ADGRB3: variants seen among roughly 807,000 people sequenced by gnomAD.
The protein encoded by ADGRB3 is brain-specific angiogenesis inhibitor 3.
Under a neutral mutation model 193.4 loss-of-function variants are expected in ADGRB3, and 37 were observed. The ratio of observed to expected loss-of-function variants is 0.19; its 90% confidence interval spans 0.15 to 0.25. The LOEUF is 0.25. Ranked by LOEUF, ADGRB3 falls within the 10% of genes least tolerant of loss-of-function variation. The probability of loss-of-function intolerance (pLI) is 1.00; values close to 1 mark genes in which losing one functional copy is unlikely to be tolerated. For missense variants in ADGRB3, 1,637 were observed against 1,852.9 expected, an observed-to-expected ratio of 0.88 and a Z score of 2.14; for synonymous variants, 690 against 644.2, an observed-to-expected ratio of 1.07 and a Z score of -1.08.
intron 17 of ADGRB3, among the ~76,000 whole-genome samples, chr6:69,178,440 G>A (rs992720592): frequency 6.6e-6 from 1 of 152,106 alleles, no homozygotes; most frequent in African/African-American, 2.4e-5. Flanking sequence ...TTTTATGAGG[G>A]ACAATTAGAC....
chr6:69,087,481 C>T (rs1772583371), intron 17 of ADGRB3, among the ~76,000 whole-genome samples: 1 of 152,068 alleles, frequency 6.6e-6, no homozygotes, highest in Non-Finnish European at 1.5e-5. Context: ...TTTTTGCTCT[C>T]ATATAAAAGA....
intron 20 of ADGRB3, among the ~76,000 whole-genome samples, chr6:69,314,965 A>G (rs1168005075): frequency 2.6e-5 from 4 of 151,550 alleles, no homozygotes; most frequent in Non-Finnish European, 5.9e-5. Flanking sequence ...TGGAGTTTAT[A>G]TAACCAAAAA....
chr6:69,114,735 C>T (rs916124532), intron 17 of ADGRB3, among the ~76,000 whole-genome samples: 1 of 152,136 alleles, frequency 6.6e-6, no homozygotes, highest in South Asian at 2.1e-4. Flanking sequence ...ATATGACTAG[C>T]CAGTTTTCCC....
intron 3 of ADGRB3, among the ~76,000 whole-genome samples, chr6:68,650,958 G>A (rs1768352086): frequency 6.6e-6 from 1 of 152,096 alleles, no homozygotes; most frequent in Non-Finnish European, 1.5e-5. Flanking sequence ...GATGTTTTTG[G>A]AAATACTTCT....
At chr6:68,811,356 A>G (rs1303725660) in intron 3 of ADGRB3, among the ~76,000 whole-genome samples, 1 of 152,234 alleles carries the variant, frequency 6.6e-6, no homozygotes, top group Non-Finnish European at 1.5e-5. Flanking sequence ...TATATATAAC[A>G]TAAGCAATAT....
chr6:69,197,893 A>G (rs1295085000), intron 17 of ADGRB3, among the ~76,000 whole-genome samples: 2 of 152,058 alleles, frequency 1.3e-5, no homozygotes, highest in Non-Finnish European at 2.9e-5. Context: ...CTATCCACTT[A>G]GTTCTATTCT....
chr6:68,677,231 T>C (rs1769113987), intron 3 of ADGRB3, among the ~76,000 whole-genome samples: 1 of 152,216 alleles, frequency 6.6e-6, no homozygotes, highest in African/African-American at 2.4e-5. Flanking sequence ...AAGTTCATTC[T>C]TCATGCTGCA....
intron 3 of ADGRB3, among the ~76,000 whole-genome samples, chr6:68,822,893 T>C (rs1431548809): frequency 6.6e-6 from 1 of 151,994 alleles, no homozygotes; most frequent in East Asian, 1.9e-4. Flanking sequence ...ATATTTTCCT[T>C]TTACATCCTA....
At chr6:68,855,091 G>A (rs927384156) in intron 3 of ADGRB3, among the ~76,000 whole-genome samples, 2 of 152,126 alleles carry the variant, frequency 1.3e-5, no homozygotes, top group Non-Finnish European at 2.9e-5. Flanking sequence ...GCTTCTTCCA[G>A]GCCTAAGTCT....
intron 3 of ADGRB3, among the ~76,000 whole-genome samples, chr6:68,824,051 C>T (rs2127381265): frequency 6.6e-6 from 1 of 152,230 alleles, no homozygotes; most frequent in Non-Finnish European, 1.5e-5. Context: ...CTTGTGCTTA[C>T]TCTTGTCTGG....
chr6:69,006,323 GA>G (rs533763566), intron 11 of ADGRB3, among the ~76,000 whole-genome samples: 307 of 147,472 alleles, frequency 2.1e-3, no homozygotes, highest in Non-Finnish European at 2.8e-3. Context: ...TGCATCAGGG[GA>G]AAAAAAAACG....
chr6:69,025,687 A>T (rs1323027834), intron 13 of ADGRB3, among the ~76,000 whole-genome samples: 1 of 152,170 alleles, frequency 6.6e-6, no homozygotes, highest in African/African-American at 2.4e-5. Flanking sequence ...CAGGAAAAAA[A>T]ATACAACAAA....
At chr6:69,055,737 C>T (rs1466438821) in intron 15 of ADGRB3, among the ~76,000 whole-genome samples, 2 of 152,160 alleles carry the variant, frequency 1.3e-5, no homozygotes, top group African/African-American at 4.8e-5. Context: ...CACATTCCCA[C>T]CAACATTGCA....
intron 3 of ADGRB3, among the ~76,000 whole-genome samples, chr6:68,889,003 T>C (rs1029188044): frequency 6.6e-6 from 1 of 152,368 alleles, no homozygotes; most frequent in South Asian, 2.1e-4. Flanking sequence ...TGTTCACTGA[T>C]GTATTTGCTT....
intron 17 of ADGRB3, among the ~76,000 whole-genome samples, chr6:69,173,647 A>G (rs915880460): frequency 2.0e-5 from 3 of 151,142 alleles, no homozygotes; most frequent in Non-Finnish European, 4.4e-5. Flanking sequence ...ACCTTGTAGC[A>G]TTGTTTTTTT....
intron 31 of ADGRB3, among the ~76,000 whole-genome samples, chr6:69,386,144 T>G (rs1770064852): frequency 6.6e-6 from 1 of 152,076 alleles, no homozygotes; most frequent in Admixed American, 6.6e-5. Context: ...ATAGAACCTC[T>G]CAGGAATTCA....
At chr6:69,339,112 C>A in intron 25 of ADGRB3, 98 bp downstream of exon 25, 1 of 1,291,896 alleles carries the variant, frequency 7.7e-7, no homozygotes, top group Non-Finnish European at 1.1e-6. Context: ...TAATACAAGA[C>A]CAGAGAGTAT....
At chr6:68,827,929 G>A (rs1359785044) in intron 3 of ADGRB3, among the ~76,000 whole-genome samples, 1 of 152,036 alleles carries the variant, frequency 6.6e-6, no homozygotes, top group Non-Finnish European at 1.5e-5. Context: ...TTTCCTTCAG[G>A]CCTTCATAGC....
At chr6:68,754,192 C>A (rs1489104606) in intron 3 of ADGRB3, among the ~76,000 whole-genome samples, 4 of 152,186 alleles carry the variant, frequency 2.6e-5, no homozygotes, top group Non-Finnish European at 4.4e-5. Context: ...CATATTTGAT[C>A]TTCATGTTTA....
Sources: gnomAD v4.1 joint callset for allele counts (sites outside exome capture counted in the v4.1 genomes callset) on GRCh38, gnomAD v4.1.1 for gene constraint, MANE v1.5 for transcripts, NCBI Gene and HGNC (gene_info 2026-07-23, HGNC 2026-07-21) for gene names.